Variants in SLC24A2 observed in about 807,000 individuals in gnomAD.
SLC24A2 encodes the protein solute carrier family 24 member 2.
A neutral mutation model predicts 62.0 loss-of-function variants in SLC24A2; 36 were observed. The observed-to-expected ratio is 0.58, with a 90% CI of 0.44 to 0.77. The LOEUF is 0.77. Among genes scored for constraint, SLC24A2 ranks in the 30% least tolerant of loss-of-function variants. SLC24A2 has a pLI of 0.00. For synonymous variants in SLC24A2, 358 were observed against 294.0 expected, an observed-to-expected ratio of 1.22 and a Z score of -2.23; for missense variants, 846 against 817.9, an observed-to-expected ratio of 1.03 and a Z score of -0.42.
intron 9 of SLC24A2, among the ~76,000 whole-genome samples, chr9:19,527,671 C>A (rs1377761452): frequency 2.0e-5 from 3 of 152,128 alleles, no homozygotes; most frequent in African/African-American, 7.2e-5. Flanking sequence ...TTTCCTAGAG[C>A]CAGTTTTAAA....
chr9:19,870,791 A>T, the SLC24A2 span, among the ~76,000 whole-genome samples: 5 of 152,188 alleles, frequency 3.3e-5, no homozygotes, highest in African/African-American at 1.2e-4. Context: ...TTTATTGGCC[A>T]TTTGTATATC....
At chr9:19,575,751 G>A (rs934728237) in intron 6 of SLC24A2, among the ~76,000 whole-genome samples, 7 of 152,130 alleles carry the variant, frequency 4.6e-5, no homozygotes, top group Non-Finnish European at 8.8e-5. Context: ...CTGCGACTGA[G>A]CCCAGGAATC....
At chr9:19,549,203 T>C (rs769091067) in intron 8 of SLC24A2, among the ~76,000 whole-genome samples, 12 of 152,240 alleles carry the variant, frequency 7.9e-5, no homozygotes, top group Non-Finnish European at 1.2e-4. Flanking sequence ...CACAAGAATG[T>C]TCAAGAAAAT....
At chr9:19,940,807 C>G in the SLC24A2 span, among the ~76,000 whole-genome samples, 3 of 152,230 alleles carry the variant, frequency 2.0e-5, no homozygotes, top group South Asian at 6.2e-4. Flanking sequence ...GTTCAAAGCA[C>G]TGCTGAATGC....
At chr9:19,657,202 G>A (rs1005775407) in intron 2 of SLC24A2, among the ~76,000 whole-genome samples, 12 of 152,206 alleles carry the variant, frequency 7.9e-5, no homozygotes, top group East Asian at 1.9e-4. Context: ...TGCATCTGTC[G>A]TGTATTGAGT....
chr9:19,811,206 T>G, the SLC24A2 span, among the ~76,000 whole-genome samples: 1 of 152,118 alleles, frequency 6.6e-6, no homozygotes, highest in South Asian at 2.1e-4. Context: ...AATGAGAAAT[T>G]GACAGTCTGC....
At chr9:19,636,383 C>CTT (rs368487848) in intron 2 of SLC24A2, among the ~76,000 whole-genome samples, 1 of 21,624 alleles carries the variant, frequency 4.6e-5, no homozygotes, top group South Asian at 2.6e-3. Context: ...TTCTTTCTTT[C>CTT]TTTCTCCCTC....
chr9:20,071,266 C>G, the SLC24A2 span, among the ~76,000 whole-genome samples: 4 of 152,050 alleles, frequency 2.6e-5, no homozygotes, highest in Non-Finnish European at 5.9e-5. Flanking sequence ...AATAATGGAG[C>G]CAGCAAGTCT....
chr9:19,907,389 T>A, the SLC24A2 span, among the ~76,000 whole-genome samples: 1 of 152,178 alleles, frequency 6.6e-6, no homozygotes, highest in Non-Finnish European at 1.5e-5. Context: ...GGGCAAAAAC[T>A]GGAAGCATTC....
intron 9 of SLC24A2, among the ~76,000 whole-genome samples, chr9:19,527,207 G>A (rs1387647153): frequency 6.6e-6 from 1 of 152,084 alleles, no homozygotes; most frequent in Admixed American, 6.6e-5. Flanking sequence ...GATACAAGTG[G>A]GAAGTTTGGA....
the SLC24A2 span, among the ~76,000 whole-genome samples, chr9:19,797,936 T>C: frequency 0.023 from 3,540 of 152,300 alleles, 46 homozygotes; most frequent in Admixed American, 0.038. Flanking sequence ...CTCTGCTCTA[T>C]TGGTTTTCTA....
In SLC24A2 at chr9:19,550,383, C is replaced by T. The variant is rs1199434460; in HGVS notation, c.1348-115G>A. ...CCATGTCTTATCAGTTTTCTGGACT[C>T]GTTCCAGTAGCTTCATATGTGTGAT... is the stretch of plus-strand genomic sequence containing the variant. On this transcript the variant is annotated intron_variant, in intron 7 of 10. Coordinates refer to ENST00000341998, the MANE Select transcript of SLC24A2 (RefSeq NM_020344.4). 6 of 1,018,824 alleles carry T rather than the reference C, an allele frequency of 5.9e-6. No individual in the cohort carries two copies. The East Asian group carries it at 7.6e-5, about 13-fold the overall frequency. 63.1% of individuals were successfully genotyped at this position (1,018,824 alleles called of 1,614,324 possible).
intron 7 of SLC24A2, among the ~76,000 whole-genome samples, chr9:19,557,364 G>T (rs191264055): frequency 6.6e-6 from 1 of 152,226 alleles, no homozygotes; most frequent in Non-Finnish European, 1.5e-5. Flanking sequence ...CTTCTTGGAA[G>T]GCCTGGGGGT....
the SLC24A2 span, among the ~76,000 whole-genome samples, chr9:20,223,936 C>T: frequency 1.3e-5 from 2 of 150,322 alleles, no homozygotes; most frequent in South Asian, 2.1e-4. Context: ...TGGTGGAAGG[C>T]GAAAGGGAAG....
At chr9:20,123,553 T>A in the SLC24A2 span, among the ~76,000 whole-genome samples, 1 of 152,334 alleles carries the variant, frequency 6.6e-6, no homozygotes, top group East Asian at 1.9e-4. Flanking sequence ...TTTGTACTTA[T>A]ATGAATGAGA....
intron 2 of SLC24A2, among the ~76,000 whole-genome samples, chr9:19,724,989 G>C (rs776168502): frequency 5.9e-5 from 9 of 152,092 alleles, no homozygotes; most frequent in African/African-American, 2.2e-4. Flanking sequence ...AGGAGCTCAC[G>C]TGCTTCAAAA....
chr9:19,942,613 A>T, the SLC24A2 span, among the ~76,000 whole-genome samples: 1,007 of 152,322 alleles, frequency 6.6e-3, 13 homozygotes, highest in African/African-American at 0.022. Flanking sequence ...AATTTAACCT[A>T]GCGAACACAA....
At chr9:20,114,270 C>G in the SLC24A2 span, among the ~76,000 whole-genome samples, 2 of 152,120 alleles carry the variant, frequency 1.3e-5, no homozygotes, top group East Asian at 3.8e-4. Flanking sequence ...ATAATTCATG[C>G]AGCTCACACA....
chr9:20,009,893 C>T, the SLC24A2 span, among the ~76,000 whole-genome samples: 1 of 152,172 alleles, frequency 6.6e-6, no homozygotes, highest in Non-Finnish European at 1.5e-5. Context: ...AGCCTGTGGC[C>T]CTGCCCACCT....
Sources: gnomAD v4.1 joint callset for allele counts (sites outside exome capture counted in the v4.1 genomes callset) on GRCh38, gnomAD v4.1.1 for gene constraint, MANE v1.5 for transcripts, NCBI Gene and HGNC (gene_info 2026-07-23, HGNC 2026-07-21) for gene names.